The following CD163 variants were observed in gnomAD, a reference collection of about 807,000 sequenced individuals.
CD163 encodes the protein CD163 molecule.
A neutral mutation model predicts 129.2 loss-of-function variants in CD163; 64 were observed. The observed-to-expected ratio is 0.50, with a 90% CI of 0.41 to 0.61. The LOEUF is 0.61. CD163 is among the 20% of genes least tolerant of loss of function. The pLI, the probability that CD163 is intolerant of heterozygous loss-of-function variation, is 0.00. For synonymous variants in CD163, 446 were observed against 478.5 expected (o/e 0.93, Z 0.89); for missense variants, 1,061 against 1,377.9 (o/e 0.77, Z 3.64).
At chr12:7,495,493 T>C in intron 5 of CD163, 92 bp from the exon 6 acceptor site, 2 of 1,060,592 alleles carry the variant, frequency 1.9e-6, no homozygotes, top group Admixed American at 5.0e-5. Context: ...CTGATACTGA[T>C]GCATTGAAAA....
Position 7,485,458 on chromosome 12 carries a change from A to G in CD163, c.2459-42T>C, listed in dbSNP as rs1445081484. ...AATTAGTAGTTTTGCATCTTTTCTG[A>G]AGATTCAGAGACTCCTTCCCTTTAC... On this transcript the variant is annotated intron_variant, in intron 10 of 16. Coordinates refer to ENST00000432237, the MANE Select transcript of CD163 (RefSeq NM_203416.4). This position sits in a 1 kb window ranked among gnomAD's most constrained non-coding sequence, Gnocchi z 4.5. 4 of 1,526,542 alleles carry G rather than the reference A, an allele frequency of 2.6e-6. No homozygotes were observed. Among genetic ancestry groups the G allele is most frequent in the Middle Eastern group, 1.7e-4 (1 of 5,776 alleles). The allele number at this position is 1,526,542 out of a possible 1,614,324, so 94.6% of individuals were successfully genotyped here.
chr12:7,479,735 C>T, intron 16 of CD163, 125 bp downstream of exon 16: 1 of 899,826 alleles, frequency 1.1e-6, no homozygotes, highest in South Asian at 1.7e-5. Context: ...CATATACAAA[C>T]ATATGCACAT....
intron 16 of CD163, among the ~76,000 whole-genome samples, chr12:7,479,560 C>T (rs921543428): frequency 6.6e-6 from 1 of 152,034 alleles, no homozygotes; most frequent in Non-Finnish European, 1.5e-5. Flanking sequence ...TATGTCTTAT[C>T]TTTTTCCTGA....
In CD163 at chr12:7,485,765, C is replaced by T. The variant is rs1015446141; in HGVS notation, c.2459-349G>A. On this transcript the variant is annotated intron_variant, in intron 10 of 16. Transcript: ENST00000432237. The surrounding 1 kb of genome is among the most constrained non-coding windows in gnomAD (Gnocchi z 4.5). ...CTTTGATAGTTAAAATTGTTAGACA[C>T]TCAGGCACTAAAATCAATGTTTTGT... 1.3e-5 allele frequency among the ~76,000 whole-genome samples: 2 copies of T among 152,070 alleles called. No homozygotes were observed. The highest frequency in any genetic ancestry group is 3.9e-4 in the East Asian group (2 of 5,190).
chr12:7,494,187 G>A (rs1949367090), intron 6 of CD163, among the ~76,000 whole-genome samples: 1 of 152,158 alleles, frequency 6.6e-6, no homozygotes, highest in African/African-American at 2.4e-5. Flanking sequence ...GGATAGTAGT[G>A]GGGGAAGAGT....
chr12:7,480,470 T>A (rs1320446904), intron 15 of CD163: 1 of 152,466 alleles, frequency 6.6e-6, no homozygotes, highest in African/African-American at 2.4e-5. Flanking sequence ...TTTAGACTTT[T>A]AGGGAAAAAT....
rs1201443489 is a variant in CD163, at chr12:7,486,579, G to T, written c.2378C>A (p.Ser793Tyr). 6.2e-7 allele frequency: 1 copy of T among 1,614,078 alleles called. No homozygotes were observed. Among genetic ancestry groups the T allele is most frequent in the African/African-American group, 1.3e-5 (1 of 74,932 alleles). The change falls in exon 10 of 17, where the codon TCC becomes TAC. Residue 793 changes from serine (S) to tyrosine (Y), a missense_variant. Ser to Tyr is a moderately radical substitution (Grantham distance 144). Coordinates refer to ENST00000432237, the MANE Select transcript of CD163 (RefSeq NM_203416.4). Reference protein sequence around the residue: ...LDEMKCNGKESRIWQCHSHGW... With the variant: ...LDEMKCNGKEYRIWQCHSHGW... Reference sequence around the variant, plus strand: ...GTGTGAATGGCACTGCCAAATGCGGGATTCTTTTCCATTGCATTTCATCTC... The same window carrying T: ...GTGTGAATGGCACTGCCAAATGCGGTATTCTTTTCCATTGCATTTCATCTC...
Position 7,488,004 on chromosome 12 carries a change from T to C in CD163, c.1504A>G (p.Ile502Val), listed in dbSNP as rs1395290922. ...EVKHGDTWGS[I>V]CDSDFSLEAA... ...TCCAGAGAGAAGTCCGAATCACAGA[T>C]GGAGCCCCACGTGTCACCATGCTTC... The change falls in exon 7 of 17, where the codon ATC becomes GTC. Residue 502 changes from isoleucine (I) to valine (V), a missense_variant. Ile to Val is a conservative substitution (Grantham distance 29, BLOSUM62 3). Transcript: ENST00000432237. The C allele has an allele frequency of 8.7e-6, 14 of 1,614,124 alleles. No individual in the cohort carries two copies. Among genetic ancestry groups the C allele is most frequent in the East Asian group, 2.2e-5 (1 of 44,844 alleles).
At chr12:7,492,211 G>A (rs1278069539) in intron 6 of CD163, among the ~76,000 whole-genome samples, 1 of 152,082 alleles carries the variant, frequency 6.6e-6, no homozygotes, top group African/African-American at 2.4e-5. Context: ...TAACAAAAGA[G>A]TTTGTAAAAG....
chr12:7,483,533 T>C lies in CD163; in HGVS notation c.2922A>G (p.Pro974=). 6.2e-7 allele frequency: 1 copy of C among 1,614,068 alleles called. No homozygotes were observed. The highest frequency in any genetic ancestry group is 1.1e-5 in the South Asian group (1 of 91,082). The part of the protein sequence containing the change: ...QVVCQQLGCG[P]ALKAFKEAEF... ...CTGCTTCTTTGAATGCTTTCAAAGCTGGACCACAGCCAAGTTGTTGACACA... is the reference window on the plus strand; with the variant it reads ...CTGCTTCTTTGAATGCTTTCAAAGCCGGACCACAGCCAAGTTGTTGACACA... Residue 974 remains proline, a synonymous_variant, in exon 12 of 17, where the codon CCA becomes CCG. Coordinates refer to ENST00000432237, the MANE Select transcript of CD163 (RefSeq NM_203416.4).
intron 16 of CD163, 44 bp from the exon 17 acceptor site, chr12:7,471,441 G>A (rs762711917): frequency 2.6e-5 from 4 of 152,012 alleles, no homozygotes; most frequent in South Asian, 2.1e-4. Context: ...CTCCATATGC[G>A]TATAAGAATT....
At position 7,501,437 on chromosome 12, in the gene CD163, T is replaced by C; in HGVS notation, c.159A>G (p.Leu53=). 6.2e-7 allele frequency: 1 copy of C among 1,613,830 alleles called. No homozygotes were observed. Residue 53 remains leucine (L), a synonymous_variant, in exon 3 of 17, where the codon CTA becomes CTG. Coordinates refer to ENST00000432237, the MANE Select transcript of CD163 (RefSeq NM_203416.4). ...SLGGTDKELR[L]VDGENKCSGR... ...CGCTACACTTGTTTTCACCATCCACTAGCCTCAGCTCCTTGTCTGTTCCTC... is the reference window on the plus strand; with the variant it reads ...CGCTACACTTGTTTTCACCATCCACCAGCCTCAGCTCCTTGTCTGTTCCTC...
At chr12:7,481,334 C>G in intron 14 of CD163, 78 bp from the exon 15 acceptor site, 1 of 1,024,946 alleles carries the variant, frequency 9.8e-7, no homozygotes, top group Non-Finnish European at 1.5e-6. Flanking sequence ...TTTTTCCAAG[C>G]GCTGCAAACA....
chr12:7,501,107 T>C, intron 3 of CD163, 32 bp downstream of exon 3: 1 of 1,591,916 alleles, frequency 6.3e-7, no homozygotes, highest in Non-Finnish European at 8.6e-7. Flanking sequence ...CCAAGGATTT[T>C]GTGTTGAGGC....
In CD163 at chr12:7,471,172, C is replaced by T. The variant is rs1277741574; in HGVS notation, c.*257G>A. The T allele has an allele frequency of 6.6e-6, 1 of 152,178 alleles. No individual in the cohort carries two copies. The highest frequency in any genetic ancestry group is 6.5e-5 in the Admixed American group (1 of 15,274). 9.4% of individuals were successfully genotyped at this position (152,178 alleles called of 1,614,324 possible). A position where few individuals can be genotyped will look rare whatever the true frequency, so the allele number is the denominator to read the frequency against. ...TAAGGACAAGTAATTAAAGCAAACT[C>T]AAATCAATAACATTCTTATTTATTT... On this transcript the variant is annotated 3_prime_UTR_variant, in exon 17 of 17. Coordinates refer to ENST00000432237, the MANE Select transcript of CD163 (RefSeq NM_203416.4).
chr12:7,477,327 G>A lies in CD163; in HGVS notation c.*31+2533C>T, dbSNP rs1009710677. ...CACTATTCACAATAGCAAAGACATG[G>A]AACCAACTTAAATGCCCATCAATGA... On this transcript the variant is annotated intron_variant, in intron 16 of 16. Coordinates refer to ENST00000432237, the MANE Select transcript of CD163 (RefSeq NM_203416.4). Among the ~76,000 whole-genome samples, 4 of 152,190 alleles carry A rather than the reference G, an allele frequency of 2.6e-5. No individual in the cohort carries two copies. In the East Asian group the frequency reaches 5.8e-4, roughly 22 times the overall value.
chr12:7,503,559 A>G (rs577839193), intron 1 of CD163, 86 bp downstream of exon 1: 10 of 876,176 alleles, frequency 1.1e-5, no homozygotes, highest in Non-Finnish European at 1.6e-5. Flanking sequence ...CCTGATGCCA[A>G]TCACTTTTAA....
At position 7,487,484 on chromosome 12, in the gene CD163, T is replaced by C; in HGVS notation, c.1925A>G (p.Asn642Ser). Reference sequence around the variant, plus strand: ...AAACATATGCCTCCAGATCTGACCATTTCCTTTTCCAAAACGTGCTCCTCC... The same window carrying C: ...AAACATATGCCTCCAGATCTGACCACTTCCTTTTCCAAAACGTGCTCCTCC... ...TPGGARFGKG[N>S]GQIWRHMFHC... The change falls in exon 8 of 17, where the codon AAT (asparagine) becomes AGT (serine). Residue 642 changes from asparagine (N) to serine (S), a missense_variant. Physicochemically the swap from Asn to Ser is conservative, Grantham distance 46 (BLOSUM62 1). Transcript: ENST00000432237. The surrounding 1 kb of genome is among the most constrained non-coding windows in gnomAD (Gnocchi z 5.1). 6.2e-7 allele frequency: 1 copy of C among 1,614,066 alleles called. No homozygotes were observed. The highest frequency in any genetic ancestry group is 8.5e-7 in the Non-Finnish European group (1 of 1,180,006).
intron 15 of CD163, 106 bp from the exon 16 acceptor site, chr12:7,480,019 T>G (rs762919586): frequency 6.2e-7 from 1 of 1,601,068 alleles, no homozygotes; most frequent in South Asian, 1.1e-5. Context: ...AAATAATTAC[T>G]GGGAAATAAA....
Sources: allele counts gnomAD v4.1 joint callset (sites outside exome capture counted in the v4.1 genomes callset), GRCh38; gene constraint gnomAD v4.1.1; non-coding constraint Gnocchi (gnomAD v3.1); transcripts MANE v1.5; gene names NCBI Gene and HGNC (gene_info 2026-07-23, HGNC 2026-07-21).